The following PTPRN2 variants were observed in gnomAD, a reference collection of about 807,000 sequenced individuals.
PTPRN2 encodes protein tyrosine phosphatase receptor type N2.
PTPRN2 carries 74 observed loss-of-function variants against 118.8 expected under a neutral mutation model. That is an observed-to-expected ratio of 0.62 (90% CI 0.52 to 0.76). The LOEUF is 0.76. Ranked by LOEUF, PTPRN2 falls within the 30% of genes least tolerant of loss-of-function variation. The pLI, the probability that PTPRN2 is intolerant of heterozygous loss-of-function variation, is 0.00. For missense variants in PTPRN2, 1,481 were observed against 1,394.4 expected, an observed-to-expected ratio of 1.06 and a Z score of -0.99; for synonymous variants, 641 against 608.0, an observed-to-expected ratio of 1.05 and a Z score of -0.80.
At chr7:158,187,714 G>A (rs986112511) in intron 5 of PTPRN2, among the ~76,000 whole-genome samples, 5 of 152,174 alleles carry the variant, frequency 3.3e-5, no homozygotes, top group African/African-American at 1.2e-4. Flanking sequence ...CTCATTTTCT[G>A]AATAACCGTT....
rs147812866 is a variant in PTPRN2 at position 158,024,671 on chromosome 7, C to T, written c.1723+56627G>A. Among the ~76,000 whole-genome samples the T allele has an allele frequency of 3.4e-3, 513 of 152,310 alleles. 2 individuals are homozygous for T. The highest frequency in any genetic ancestry group is 0.011 in the African/African-American group (461 of 41,566). On this transcript the variant is annotated intron_variant, in intron 11 of 22. Coordinates refer to ENST00000389418, the MANE Select transcript of PTPRN2 (RefSeq NM_002847.5). ...CTGATCTGTGGGGCAGAAACTAAGA[C>T]ACCTTGTGACAAACAAGCAATGGAA... is the stretch of plus-strand genomic sequence containing the variant.
intron 12 of PTPRN2, among the ~76,000 whole-genome samples, chr7:157,814,181 T>C (rs1031240232): frequency 2.0e-5 from 3 of 152,194 alleles, no homozygotes; most frequent in Non-Finnish European, 2.9e-5. Flanking sequence ...GCCTCCATCT[T>C]GACAGGCAGG....
chr7:157,863,951 C>T (rs570217789), intron 12 of PTPRN2: 2 of 152,364 alleles, frequency 1.3e-5, no homozygotes, highest in East Asian at 3.9e-4. Flanking sequence ...GCTGCCCTGT[C>T]TGTGGGACTT....
At position 158,281,536 on chromosome 7, in the gene PTPRN2, T is replaced by C. The variant is rs565415960; in HGVS notation, c.277+35283A>G. 5.3e-5 allele frequency among the ~76,000 whole-genome samples: 8 copies of C among 152,296 alleles called. No individual in the cohort carries two copies. The South Asian group carries it at 1.7e-3, about 32-fold the overall frequency. ...CCACAGTCTGCTATGAAGACACAGATCCAGACTGGCTAAGAGCACAGAGGT... is the reference window on the plus strand; with the variant it reads ...CCACAGTCTGCTATGAAGACACAGACCCAGACTGGCTAAGAGCACAGAGGT... On this transcript the variant is annotated intron_variant, in intron 3 of 22. Coordinates refer to ENST00000389418, the MANE Select transcript of PTPRN2 (RefSeq NM_002847.5).
intron 12 of PTPRN2, among the ~76,000 whole-genome samples, chr7:157,841,415 G>A (rs1037921395): frequency 2.6e-5 from 4 of 152,190 alleles, no homozygotes; most frequent in African/African-American, 9.7e-5. Context: ...CAAACTTACC[G>A]TATTGTACGT....
At chr7:158,539,616 G>A in intron 1 of PTPRN2, 1 of 202,614 alleles carries the variant, frequency 4.9e-6, no homozygotes, top group Non-Finnish European at 1.0e-5. Context: ...CCTTCCGAGA[G>A]GGAAAGGCCT....
chr7:157,835,846 T>G (rs1373874742), intron 12 of PTPRN2, among the ~76,000 whole-genome samples: 1 of 152,240 alleles, frequency 6.6e-6, no homozygotes, highest in Admixed American at 6.5e-5. Flanking sequence ...TGTGTTTCAC[T>G]GATGACAGGA....
intron 14 of PTPRN2, among the ~76,000 whole-genome samples, chr7:157,655,320 C>T (rs753214151): frequency 1.3e-4 from 20 of 152,206 alleles, no homozygotes; most frequent in East Asian, 3.9e-4. Context: ...TCCCACCAGA[C>T]GTCAGCTGTT....
intron 2 of PTPRN2, among the ~76,000 whole-genome samples, chr7:158,363,343 T>C (rs535411604): frequency 1.3e-5 from 2 of 152,034 alleles, no homozygotes; most frequent in Non-Finnish European, 2.9e-5. Flanking sequence ...CTCGGTTGCT[T>C]GGGGAGGCCG....
chr7:157,936,655 CCG>C (rs1310209941), intron 11 of PTPRN2, among the ~76,000 whole-genome samples: 17 of 126,648 alleles, frequency 1.3e-4, no homozygotes, highest in Admixed American at 1.2e-3. Flanking sequence ...CTGACACCTC[CCG>C]TGTCTCTTCC....
chr7:158,353,683 AACAG>A (rs1195856316), intron 2 of PTPRN2, among the ~76,000 whole-genome samples: 1 of 152,172 alleles, frequency 6.6e-6, no homozygotes, highest in East Asian at 1.9e-4. Flanking sequence ...AAAAACCCCG[AACAG>A]ACAGACAGCA....
At chr7:158,121,749 C>T (rs1202096569) in intron 9 of PTPRN2, among the ~76,000 whole-genome samples, 4 of 152,218 alleles carry the variant, frequency 2.6e-5, no homozygotes, top group Non-Finnish European at 5.9e-5. Flanking sequence ...GCTGCCTCCA[C>T]AAGCCAAGGT....
rs138516760 is a variant in PTPRN2, at chr7:157,906,785, G to T, written c.1724-8048C>A. ...GTGTGGAGGATGGGCTAGGGGCTGA[G>T]GGAGACCTTAGGGAGGGGCAGGGTA... On this transcript the variant is annotated intron_variant, in intron 11 of 22. Coordinates refer to ENST00000389418, the MANE Select transcript of PTPRN2 (RefSeq NM_002847.5). Among the ~76,000 whole-genome samples the T allele has an allele frequency of 1.9e-4, 29 of 152,290 alleles. No individual in the cohort carries two copies. The East Asian group carries it at 5.6e-3, about 29-fold the overall frequency.
rs151289830 is a variant in PTPRN2, at chr7:158,069,748, C to T, written c.1723+11550G>A. 4.3e-3 allele frequency among the ~76,000 whole-genome samples: 662 copies of T among 152,362 alleles called. 5 individuals carry two copies. Among genetic ancestry groups the T allele is most frequent in the African/African-American group, 0.015 (614 of 41,586 alleles). On this transcript the variant is annotated intron_variant, in intron 11 of 22. Coordinates refer to ENST00000389418, the MANE Select transcript of PTPRN2 (RefSeq NM_002847.5). ...GATTTGCCATGGCATCTTTCCCACT[C>T]CAGGCATTCGTGGGATGCCCAGGCA...
At position 158,138,983 on chromosome 7, in the gene PTPRN2, GCCCA is replaced by G. The variant is rs1286908779; in HGVS notation, c.911-472_911-469del. ...CAGCACACCCTGCCCAGCACACCCT[GCCCA>G]GCACACCCTGCCCAGCATGGACCAA... On this transcript the variant is annotated intron_variant, in intron 6 of 22. Coordinates refer to ENST00000389418, the MANE Select transcript of PTPRN2 (RefSeq NM_002847.5). 9.8e-3 allele frequency among the ~76,000 whole-genome samples: 1,403 copies of G among 143,304 alleles called. 23 individuals are homozygous for G. The highest frequency in any genetic ancestry group is 0.04 in the African/African-American group (1,337 of 33,204). The allele number at this position is 143,304 out of a possible 152,430, so 94.0% of individuals were successfully genotyped here.
At chr7:158,253,090 T>C (rs998617698) in intron 3 of PTPRN2, among the ~76,000 whole-genome samples, 4 of 152,222 alleles carry the variant, frequency 2.6e-5, no homozygotes, top group Non-Finnish European at 5.9e-5. Context: ...CAATCTGTTT[T>C]TTAGCCAAGT....
intron 2 of PTPRN2, among the ~76,000 whole-genome samples, chr7:158,383,938 G>A (rs990130494): frequency 6.6e-6 from 1 of 152,196 alleles, no homozygotes; most frequent in Non-Finnish European, 1.5e-5. Context: ...TGATCACACT[G>A]AAGGAATCCT....
At chr7:158,513,631 G>GAC (rs2129447217) in intron 1 of PTPRN2, among the ~76,000 whole-genome samples, 1 of 151,988 alleles carries the variant, frequency 6.6e-6, no homozygotes, top group South Asian at 2.1e-4. Context: ...TAGACAGAGA[G>GAC]AGAAATAGCC....
rs115129514 is a variant in PTPRN2 at position 158,149,463 on chromosome 7, T to G, written c.911-10948A>C. On this transcript the variant is annotated intron_variant, in intron 6 of 22. Transcript: ENST00000389418. ...AGGTAAAAAAAAAAAAAAATCCTTA[T>G]TTTTAATCTCTAACAAAGGCAATCC... is the stretch of plus-strand genomic sequence containing the variant. Among the ~76,000 whole-genome samples the G allele has an allele frequency of 1.0e-2, 1,514 of 152,158 alleles. 25 individuals are homozygous for G. The highest frequency in any genetic ancestry group is 0.031 in the African/African-American group (1,286 of 41,456).
Sources: allele counts gnomAD v4.1 joint callset (sites outside exome capture counted in the v4.1 genomes callset), GRCh38; gene constraint gnomAD v4.1.1; transcripts MANE v1.5; gene names NCBI Gene and HGNC (gene_info 2026-07-23, HGNC 2026-07-21).